Variants in GNA12 observed in about 807,000 individuals in gnomAD.
The protein encoded by GNA12 is guanine nucleotide-binding protein subunit alpha-12.
A neutral mutation model predicts 26.0 loss-of-function variants in GNA12; 9 were observed. That is an observed-to-expected ratio of 0.35 (90% CI 0.21 to 0.60). The LOEUF is 0.60. Among genes scored for constraint, GNA12 ranks in the 20% least tolerant of loss-of-function variants. The pLI, the probability that GNA12 is intolerant of heterozygous loss-of-function variation, is 0.78. For missense variants in GNA12, 405 were observed against 525.8 expected (o/e 0.77, Z 2.25); for synonymous variants, 264 against 219.6 (o/e 1.20, Z -1.79).
chr7:2,836,145 T>A lies in GNA12; in HGVS notation c.309+7708A>T, dbSNP rs147091073. ...AAAAAAATCAAAGCAACTAGTAGAT[T>A]CAAATAATGAACTGCAGAGGATAGA... On this transcript the variant is annotated intron_variant, in intron 1 of 3. Coordinates refer to ENST00000275364, the MANE Select transcript of GNA12 (RefSeq NM_007353.3). The A allele has an allele frequency of 8.8e-4, 202 of 228,962 alleles. 3 individuals are homozygous for A. In the Admixed American group the frequency reaches 0.01, roughly 11 times the overall value. The allele number at this position is 228,962 out of a possible 1,614,324, so 14.2% of individuals were successfully genotyped here. A position where few individuals can be genotyped will look rare whatever the true frequency, so the allele number is the denominator to read the frequency against.
intron 2 of GNA12, among the ~76,000 whole-genome samples, chr7:2,739,101 C>G (rs898929262): frequency 1.3e-5 from 2 of 152,206 alleles, no homozygotes; most frequent in African/African-American, 4.8e-5. Flanking sequence ...GGGTTGCTGT[C>G]ACAGGGGTGC....
intron 1 of GNA12, among the ~76,000 whole-genome samples, chr7:2,799,079 A>T (rs970509370): frequency 7.2e-5 from 11 of 152,242 alleles, no homozygotes; most frequent in African/African-American, 2.4e-4. Flanking sequence ...GGGTGTGCTC[A>T]AAGTTCTTAG....
chr7:2,750,221 G>T (rs532302813), intron 2 of GNA12, among the ~76,000 whole-genome samples: 7 of 152,176 alleles, frequency 4.6e-5, no homozygotes, highest in Non-Finnish European at 8.8e-5. Flanking sequence ...AGAACAAACT[G>T]CAAGTCCCAG....
chr7:2,810,337 G>A (rs1241345584), intron 1 of GNA12, among the ~76,000 whole-genome samples: 1 of 152,024 alleles, frequency 6.6e-6, no homozygotes, highest in Non-Finnish European at 1.5e-5. Flanking sequence ...ACATTCATGA[G>A]GGCTCTGTCC....
At chr7:2,790,687 G>A (rs1792494745) in intron 2 of GNA12, among the ~76,000 whole-genome samples, 1 of 152,206 alleles carries the variant, frequency 6.6e-6, no homozygotes, top group African/African-American at 2.4e-5. Flanking sequence ...GGTACACCAA[G>A]GCTGGGCCTG....
chr7:2,759,128 A>C (rs756323018), intron 2 of GNA12, among the ~76,000 whole-genome samples: 16 of 151,538 alleles, frequency 1.1e-4, no homozygotes, highest in South Asian at 2.1e-4. Flanking sequence ...CCACAGAGCA[A>C]AACACTGTCT....
Position 2,766,397 on chromosome 7 carries a change from T to G in GNA12, c.525+28531A>C, listed in dbSNP as rs1054754523. ...TTGGGTTGCTTCCGCCTTTTTTTTTTTTTTTTTGAGACGGAGTCTTGCTCT... is the reference window on the plus strand; with the variant it reads ...TTGGGTTGCTTCCGCCTTTTTTTTTGTTTTTTTGAGACGGAGTCTTGCTCT... On this transcript the variant is annotated intron_variant, in intron 2 of 3. Coordinates refer to ENST00000275364, the MANE Select transcript of GNA12 (RefSeq NM_007353.3). 4.8e-3 allele frequency among the ~76,000 whole-genome samples: 735 copies of G among 151,612 alleles called. 5 individuals carry two copies. The highest frequency in any genetic ancestry group is 7.7e-3 in the Non-Finnish European group (522 of 67,798).
At chr7:2,763,190 CAA>C (rs1791652514) in intron 2 of GNA12, 1 of 307,854 alleles carries the variant, frequency 3.2e-6, no homozygotes, top group Non-Finnish European at 4.4e-6. Flanking sequence ...CAAGACACCC[CAA>C]CACACACACA....
chr7:2,744,268 C>T (rs1322856450), intron 2 of GNA12, among the ~76,000 whole-genome samples: 1 of 152,210 alleles, frequency 6.6e-6, no homozygotes, highest in African/African-American at 2.4e-5. Flanking sequence ...GAGGCACCCC[C>T]CAGTAGGGGC....
Position 2,844,010 on chromosome 7 carries a change from C to T in GNA12, c.152G>A (p.Arg51Gln), listed in dbSNP as rs757276606. ...RDIDALLARE[R>Q]RAVRRLVKIL... The stretch of plus-strand genomic sequence containing the variant: ...CTTCACCAGGCGCCGGACCGCGCGC[C>T]GCTCGCGGGCCAGCAGCGCGTCGAT... Residue 51 changes from arginine (R) to glutamine (Q), a missense_variant, in exon 1 of 4, where the codon CGG (arginine) becomes CAG (glutamine). By Grantham distance (43) the Arg-to-Gln change is conservative. Coordinates refer to ENST00000275364, the MANE Select transcript of GNA12 (RefSeq NM_007353.3). 2.0e-6 allele frequency: 3 copies of T among 1,523,596 alleles called. No individual in the cohort carries two copies. Among genetic ancestry groups the T allele is most frequent in the East Asian group, 2.7e-5 (1 of 37,316 alleles). 94.4% of individuals were successfully genotyped at this position (1,523,596 alleles called of 1,614,324 possible).
In GNA12 at chr7:2,730,256, A is replaced by C. The variant is rs1413374247; in HGVS notation, c.*925T>G. On this transcript the variant is annotated 3_prime_UTR_variant, in exon 4 of 4. Transcript: ENST00000275364. ...CGCTATGTGCTGCCAACTGTGTGTG[A>C]GCAGATGACTTGCAGGAAGATGGGA... 3 of 152,476 alleles carry C rather than the reference A, an allele frequency of 2.0e-5. No individual in the cohort carries two copies. The highest frequency in any genetic ancestry group is 4.4e-5 in the Non-Finnish European group (3 of 68,116). 9.4% of individuals were successfully genotyped at this position (152,476 alleles called of 1,614,324 possible).
At chr7:2,797,753 C>T (rs926336568) in intron 1 of GNA12, among the ~76,000 whole-genome samples, 1 of 152,132 alleles carries the variant, frequency 6.6e-6, no homozygotes. Context: ...GTTAGAGATG[C>T]TCCCTGATTT....
intron 2 of GNA12, chr7:2,763,310 G>A: frequency 5.7e-6 from 1 of 174,416 alleles, no homozygotes; most frequent in Non-Finnish European, 1.2e-5. Context: ...ACACAGCCCG[G>A]CTTGCTGACG....
At chr7:2,791,436 A>G (rs1240849451) in intron 2 of GNA12, among the ~76,000 whole-genome samples, 1 of 151,854 alleles carries the variant, frequency 6.6e-6, no homozygotes, top group East Asian at 1.9e-4. Flanking sequence ...TGCTCCTCTC[A>G]GAGGAGAAAG....
intron 1 of GNA12, among the ~76,000 whole-genome samples, chr7:2,836,939 A>C (rs1762934224): frequency 6.6e-6 from 1 of 152,160 alleles, no homozygotes; most frequent in African/African-American, 2.4e-5. Flanking sequence ...ACAACAAAAA[A>C]CAAATACAAG....
intron 1 of GNA12, among the ~76,000 whole-genome samples, chr7:2,795,816 C>CTTTTTTTTTTTTTTTTTTT (rs71026559): frequency 1.5e-5 from 2 of 137,876 alleles, no homozygotes; most frequent in Non-Finnish European, 3.1e-5. Context: ...AAAAAAACAA[C>CTTTTTTTTTTTTTTTTTTT]TTTTTTTTTT....
At chr7:2,736,673 G>C (rs1025044944) in intron 2 of GNA12, among the ~76,000 whole-genome samples, 1 of 152,246 alleles carries the variant, frequency 6.6e-6, no homozygotes, top group Non-Finnish European at 1.5e-5. Flanking sequence ...CCTTTCTGCA[G>C]AGGCCTGCAG....
intron 1 of GNA12, among the ~76,000 whole-genome samples, chr7:2,802,523 C>T (rs541288834): frequency 1.3e-5 from 2 of 152,114 alleles, no homozygotes; most frequent in South Asian, 4.1e-4. Context: ...ATTAGTCATT[C>T]CTTAGTAAAA....
Position 2,731,649 on chromosome 7 carries a change from C to G in GNA12, c.678G>C (p.Val226=). The G allele has an allele frequency of 6.2e-7, 1 of 1,613,666 alleles. No homozygotes were observed. Among genetic ancestry groups the G allele is most frequent in the Non-Finnish European group, 8.5e-7 (1 of 1,179,882 alleles). Reference sequence around the variant, plus strand: ...GCTGGGACCGCTGGCCGCCCACATCCACCATCTTAAAGGGGATCTTCTTAA... The same window carrying G: ...GCTGGGACCGCTGGCCGCCCACATCGACCATCTTAAAGGGGATCTTCTTAA... The part of the protein sequence containing the change: ...FVIKKIPFKM[V]DVGGQRSQRQ... The change falls in exon 4 of 4, where the codon GTG becomes GTC. Residue 226 remains valine (V), a synonymous_variant. Coordinates refer to ENST00000275364, the MANE Select transcript of GNA12 (RefSeq NM_007353.3). The surrounding 1 kb of genome is among the most constrained non-coding windows in gnomAD (Gnocchi z 6.0).
Sources: gnomAD v4.1 joint callset for allele counts (sites outside exome capture counted in the v4.1 genomes callset) on GRCh38, gnomAD v4.1.1 for gene constraint, Gnocchi (gnomAD v3.1) non-coding constraint, MANE v1.5 for transcripts, NCBI Gene and HGNC (gene_info 2026-07-23, HGNC 2026-07-21) for gene names.